The following GALNT15 variants were observed in gnomAD, a reference collection of about 807,000 sequenced individuals.
GALNT15 encodes polypeptide N-acetylgalactosaminyltransferase 15.
GALNT15 carries 67 observed loss-of-function variants against 66.8 expected under a neutral mutation model. The observed-to-expected ratio is 1.00, with a 90% CI of 0.82 to 1.23. GALNT15 has a LOEUF of 1.23. GALNT15 is among the 50% of genes most tolerant of loss of function. The probability of loss-of-function intolerance (pLI) is 0.00; values close to 1 mark genes in which losing one functional copy is unlikely to be tolerated. For synonymous variants in GALNT15, 313 were observed against 311.5 expected, an observed-to-expected ratio of 1.00 and a Z score of -0.05; for missense variants, 827 against 804.3, an observed-to-expected ratio of 1.03 and a Z score of -0.34.
Position 16,228,461 on chromosome 3 carries a change from C to A in GALNT15, c.*961C>A. On this transcript the variant is annotated 3_prime_UTR_variant, in exon 10 of 10. Coordinates refer to ENST00000339732, the MANE Select transcript of GALNT15 (RefSeq NM_054110.5). ...TTTGAGACCAGCCTGGTCAACATTG[C>A]AAAACCTTGTCTCTACTAAAAATAC... 1.6e-6 allele frequency: 1 copy of A among 619,646 alleles called. No homozygotes were observed. The highest frequency in any genetic ancestry group is 2.0e-6 in the Non-Finnish European group (1 of 496,026). The allele number at this position is 619,646 out of a possible 1,614,324, so 38.4% of individuals were successfully genotyped here. A position where few individuals can be genotyped will look rare whatever the true frequency, so the allele number is the denominator to read the frequency against.
the GALNT15 span, among the ~76,000 whole-genome samples, chr3:16,241,034 C>T: frequency 6.6e-6 from 1 of 152,184 alleles, no homozygotes; most frequent in Non-Finnish European, 1.5e-5. This position sits in a 1 kb window ranked among gnomAD's most constrained non-coding sequence, Gnocchi z 4.6. Flanking sequence ...TCTTACCTAT[C>T]ATGCATGACT....
At position 16,188,903 on chromosome 3, in the gene GALNT15, A is replaced by G. The variant is rs181721862; in HGVS notation, c.540-6857A>G. On this transcript the variant is annotated intron_variant, in intron 1 of 9. Transcript: ENST00000339732. This position sits in a 1 kb window ranked among gnomAD's most constrained non-coding sequence, Gnocchi z 4.6. ...TGTGTCCTCTCTCTCCAAGGTCCTCATGATGACATGAGGAGCCCAGGGTTC... is the reference window on the plus strand; with the variant it reads ...TGTGTCCTCTCTCTCCAAGGTCCTCGTGATGACATGAGGAGCCCAGGGTTC... Among the ~76,000 whole-genome samples the G allele has an allele frequency of 1.5e-4, 23 of 152,196 alleles. No homozygotes were observed. The highest frequency in any genetic ancestry group is 9.8e-4 in the Admixed American group (15 of 15,288).
In GALNT15 at chr3:16,200,632, T is replaced by G; in HGVS notation, c.720T>G (p.Ser240=). The change falls in exon 3 of 10, where the codon TCT becomes TCG. Residue 240 remains serine, a synonymous_variant. Coordinates refer to ENST00000339732, the MANE Select transcript of GALNT15 (RefSeq NM_054110.5). The surrounding 1 kb of genome is among the most constrained non-coding windows in gnomAD (Gnocchi z 4.4). ...DDLSQQGQLK[S]ALSEYVARLE... Reference sequence around the variant, plus strand: ...TGTTGATTCCAGGACAACTCAAGTCTGCTCTCAGCGAATATGTGGCCAGGC... The same window carrying G: ...TGTTGATTCCAGGACAACTCAAGTCGGCTCTCAGCGAATATGTGGCCAGGC... The G allele has an allele frequency of 6.4e-7, 1 of 1,561,642 alleles. No homozygotes were observed. The highest frequency in any genetic ancestry group is 1.2e-5 in the South Asian group (1 of 82,152).
Position 16,215,922 on chromosome 3 carries a change from A to AAAAAAAAAAAAAAAACAAAAAC in GALNT15, c.1392+3162_1392+3163insAAAAAAAAAAAACAAAAACAAA, listed in dbSNP as rs2063869580. Among the ~76,000 whole-genome samples, 3 of 151,118 alleles carry AAAAAAAAAAAAAAAACAAAAAC rather than the reference A, an allele frequency of 2.0e-5. No homozygotes were observed. The South Asian group carries it at 6.3e-4, about 32-fold the overall frequency. The stretch of plus-strand genomic sequence containing the variant: ...AGACTCCGCCAAAAAAAAAAAAAAA[A>AAAAAAAAAAAAAAAACAAAAAC]AAAGAAGAGGAAGAAGAAGAAGAAG... On this transcript the variant is annotated intron_variant, in intron 6 of 9. Coordinates refer to ENST00000339732, the MANE Select transcript of GALNT15 (RefSeq NM_054110.5).
At position 16,227,489 on chromosome 3, in the gene GALNT15, G is replaced by C. The variant is rs1462058836; in HGVS notation, c.1909G>C (p.Asp637His). Residue 637 changes from aspartate to histidine, a missense_variant, in exon 10 of 10, where the codon GAT becomes CAT. Physicochemically the swap from Asp to His is moderately conservative, Grantham distance 81. Transcript: ENST00000339732. The surrounding 1 kb of genome is among the most constrained non-coding windows in gnomAD (Gnocchi z 4.5). ...QWRFDQINAV[D>H]ER is the part of the protein sequence containing the mutation. ...GCGTTTTGACCAGATCAATGCTGTG[G>C]ATGAACGATGAATGTCAATGTCAGA... The C allele has an allele frequency of 1.5e-5, 24 of 1,614,178 alleles. No individual in the cohort carries two copies. Among genetic ancestry groups the C allele is most frequent in the Non-Finnish European group, 2.0e-5 (24 of 1,180,022 alleles).
intron 6 of GALNT15, among the ~76,000 whole-genome samples, chr3:16,215,306 G>T (rs2063859524): frequency 6.6e-6 from 1 of 152,218 alleles, no homozygotes; most frequent in Non-Finnish European, 1.5e-5. Flanking sequence ...AATCCAGTTT[G>T]CTTGTCCAGA....
chr3:16,222,791 G>T (rs1401645098), intron 9 of GALNT15, 33 bp downstream of exon 9: 1 of 1,610,014 alleles, frequency 6.2e-7, no homozygotes, highest in South Asian at 1.1e-5. Context: ...GCCTGGTAGT[G>T]CTGCTGGTCA....
intron 1 of GALNT15, among the ~76,000 whole-genome samples, chr3:16,185,437 A>T (rs2063507216): frequency 6.6e-6 from 1 of 152,212 alleles, no homozygotes; most frequent in Non-Finnish European, 1.5e-5. Flanking sequence ...CAGGGGGACA[A>T]CATCCTCAAT....
chr3:16,232,011 A>G (rs2064086622), downstream of GALNT15: 5 of 1,430,036 alleles, frequency 3.5e-6, no homozygotes, highest in Non-Finnish European at 3.7e-6. Flanking sequence ...CTTTAAAGTC[A>G]TAACTTGCCC....
the GALNT15 span, among the ~76,000 whole-genome samples, chr3:16,237,339 G>C: frequency 6.6e-6 from 1 of 152,210 alleles, no homozygotes; most frequent in Admixed American, 6.5e-5. This position sits in a 1 kb window ranked among gnomAD's most constrained non-coding sequence, Gnocchi z 4.2. Context: ...CCTCCTGCCT[G>C]TTATGATCCA....
Position 16,208,547 on chromosome 3 carries a change from C to T in GALNT15, c.956C>T (p.Thr319Ile), listed in dbSNP as rs750233423. The T allele has an allele frequency of 6.2e-7, 1 of 1,614,136 alleles. No individual in the cohort carries two copies. Among genetic ancestry groups the T allele is most frequent in the South Asian group, 1.1e-5 (1 of 91,084 alleles). Residue 319 changes from threonine (T) to isoleucine (I), a missense_variant, in exon 4 of 10, where the codon ACT (threonine) becomes ATT (isoleucine). Thr to Ile is a moderately conservative substitution (Grantham distance 89, BLOSUM62 -1). Transcript: ENST00000339732. The stretch of plus-strand genomic sequence containing the variant: ...GTGATAGATGTGATTGACTGGAAGA[C>T]TTTCCAGTATTACCCCTCAAAGGAC... ...SPVIDVIDWK[T>I]FQYYPSKDLQ...
intron 8 of GALNT15, among the ~76,000 whole-genome samples, chr3:16,221,479 A>G (rs1484986606): frequency 6.6e-6 from 1 of 152,216 alleles, no homozygotes; most frequent in Non-Finnish European, 1.5e-5. Flanking sequence ...ACATGGGCGA[A>G]GCTGCCCTAC....
intron 2 of GALNT15, among the ~76,000 whole-genome samples, chr3:16,198,331 A>G (rs1305698758): frequency 7.4e-6 from 1 of 135,390 alleles, no homozygotes; most frequent in African/African-American, 2.9e-5. Flanking sequence ...GGCAGAGGCC[A>G]GTCCGGTTTG....
Position 16,219,135 on chromosome 3 carries a change from T to C in GALNT15, c.1393-268T>C, listed in dbSNP as rs6801980. Reference sequence around the variant, plus strand: ...TATTGTAGTCTTTATAGACTGGAGATTTGAGGGATTGTGGGAAGGGGCTGA... The same window carrying C: ...TATTGTAGTCTTTATAGACTGGAGACTTGAGGGATTGTGGGAAGGGGCTGA... On this transcript the variant is annotated intron_variant, in intron 6 of 9. Coordinates refer to ENST00000339732, the MANE Select transcript of GALNT15 (RefSeq NM_054110.5). The surrounding 1 kb of genome is among the most constrained non-coding windows in gnomAD (Gnocchi z 4.3). 0.16 allele frequency among the ~76,000 whole-genome samples: 23,909 copies of C among 152,068 alleles called. 2,049 individuals are homozygous for C. Among genetic ancestry groups the C allele is most frequent in the Admixed American group, 0.23 (3,473 of 15,272 alleles).
intron 8 of GALNT15, among the ~76,000 whole-genome samples, chr3:16,221,183 A>T (rs1354497903): frequency 1.3e-4 from 2 of 15,348 alleles, no homozygotes; most frequent in African/African-American, 1.0e-3. Context: ...AAAGAAGAAT[A>T]AAAAAAAAAA....
chr3:16,216,418 G>A (rs1439237769), intron 6 of GALNT15, among the ~76,000 whole-genome samples: 2 of 151,816 alleles, frequency 1.3e-5, no homozygotes, highest in Admixed American at 1.3e-4. Flanking sequence ...AGGATGGCTT[G>A]AGCTAGGGAG....
At chr3:16,236,897 CA>C (rs1162647990), downstream of GALNT15, among the ~76,000 whole-genome samples, 1 of 152,152 alleles carries the variant, frequency 6.6e-6, no homozygotes, top group African/African-American at 2.4e-5. Flanking sequence ...AGAACATGAA[CA>C]TGGAAGGGAG....
Position 16,220,023 on chromosome 3 carries a change from T to C in GALNT15, c.1629+9T>C. The C allele has an allele frequency of 6.2e-7, 1 of 1,600,206 alleles. No homozygotes were observed. Among genetic ancestry groups the C allele is most frequent in the Non-Finnish European group, 8.6e-7 (1 of 1,167,300 alleles). On this transcript the variant is annotated intron_variant, in intron 8 of 9. Transcript: ENST00000339732. ...ACAGCCGGCAGCAACAGGTGGGTAGTCAGACTTCTCAGGATGGATGATAGC... is the reference window on the plus strand; with the variant it reads ...ACAGCCGGCAGCAACAGGTGGGTAGCCAGACTTCTCAGGATGGATGATAGC...
rs769913746 is a variant in GALNT15, at chr3:16,211,836, G to A, written c.1197+595G>A. Reference sequence around the variant, plus strand: ...ATGCTGAAAGTGTGAATTACCTGACGCTTGTATTCTGCATGAAGTCCAACA... The same window carrying A: ...ATGCTGAAAGTGTGAATTACCTGACACTTGTATTCTGCATGAAGTCCAACA... On this transcript the variant is annotated intron_variant, in intron 5 of 9. Coordinates refer to ENST00000339732, the MANE Select transcript of GALNT15 (RefSeq NM_054110.5). The surrounding 1 kb of genome is among the most constrained non-coding windows in gnomAD (Gnocchi z 4.3). 1.3e-5 allele frequency among the ~76,000 whole-genome samples: 2 copies of A among 152,142 alleles called. No homozygotes were observed. Among genetic ancestry groups the A allele is most frequent in the South Asian group, 2.1e-4 (1 of 4,830 alleles).
Sources: gnomAD v4.1 joint callset for allele counts (sites outside exome capture counted in the v4.1 genomes callset) on GRCh38, gnomAD v4.1.1 for gene constraint, Gnocchi (gnomAD v3.1) non-coding constraint, MANE v1.5 for transcripts, NCBI Gene and HGNC (gene_info 2026-07-23, HGNC 2026-07-21) for gene names.